The following PCDHA4 variants were observed in gnomAD, a reference collection of about 807,000 sequenced individuals.
PCDHA4 encodes the protein protocadherin alpha-4.
Under a neutral mutation model 61.4 loss-of-function variants are expected in PCDHA4, and 49 were observed. That is an observed-to-expected ratio of 0.80 (90% CI 0.63 to 1.01). PCDHA4 has a LOEUF of 1.01. Among genes scored for constraint, PCDHA4 ranks in the 50% least tolerant of loss-of-function variants. The pLI, the probability that PCDHA4 is intolerant of heterozygous loss-of-function variation, is 0.00. For missense variants in PCDHA4, 1,254 were observed against 1,235.8 expected, an observed-to-expected ratio of 1.01 and a Z score of -0.22; for synonymous variants, 590 against 550.3, an observed-to-expected ratio of 1.07 and a Z score of -1.01.
chr5:140,883,315 G>A (rs782377860), intron 1 of PCDHA4: 1 of 1,614,104 alleles, frequency 6.2e-7, no homozygotes, highest in Admixed American at 1.7e-5. Flanking sequence ...ACGCCCCAGA[G>A]GTTACCATCA....
At position 140,821,636 on chromosome 5, in the gene PCDHA4, A is replaced by G. The variant is rs1054964805; in HGVS notation, c.2385+12064A>G. On this transcript the variant is annotated intron_variant, in intron 1 of 3. Coordinates refer to ENST00000530339, the MANE Select transcript of PCDHA4 (RefSeq NM_018907.4). ...GTAGATTTTCCTTAGACAGAAAGGA[A>G]AAGAACCTTCCATTTTTGGCTGTGC... 20 of 1,021,456 alleles carry G rather than the reference A, an allele frequency of 2.0e-5. No individual in the cohort carries two copies. In the African/African-American group the frequency reaches 2.9e-4, roughly 15 times the overall value. 63.3% of individuals were successfully genotyped at this position (1,021,456 alleles called of 1,614,324 possible). A position where few individuals can be genotyped will look rare whatever the true frequency, so the allele number is the denominator to read the frequency against.
Position 140,836,318 on chromosome 5 carries a change from C to G in PCDHA4, c.2385+26746C>G, listed in dbSNP as rs1774367282. The G allele has an allele frequency of 1.9e-6, 3 of 1,613,634 alleles. No individual in the cohort carries two copies. Among genetic ancestry groups the G allele is most frequent in the Non-Finnish European group, 2.5e-6 (3 of 1,179,838 alleles). On this transcript the variant is annotated intron_variant, in intron 1 of 3. Coordinates refer to ENST00000530339, the MANE Select transcript of PCDHA4 (RefSeq NM_018907.4). ...TAGATGAGACGGACGCACCGCGCCA[C>G]CGCCTTCTGGTGCTTGTGAAGGACC... is the stretch of plus-strand genomic sequence containing the variant.
chr5:140,935,057 G>A (rs2090168860), intron 1 of PCDHA4, among the ~76,000 whole-genome samples: 1 of 152,034 alleles, frequency 6.6e-6, no homozygotes, highest in Non-Finnish European at 1.5e-5. Flanking sequence ...ATTACAAGAT[G>A]TTCAGATTAT....
At chr5:140,933,133 G>T (rs782720038) in intron 1 of PCDHA4, among the ~76,000 whole-genome samples, 1 of 151,914 alleles carries the variant, frequency 6.6e-6, no homozygotes, top group Non-Finnish European at 1.5e-5. Context: ...AATAATAAAG[G>T]TAGATAGCCA....
At chr5:140,896,113 T>G (rs10053583) in intron 1 of PCDHA4, among the ~76,000 whole-genome samples, 1 of 152,170 alleles carries the variant, frequency 6.6e-6, no homozygotes, top group East Asian at 1.9e-4. Flanking sequence ...GCCTGGCCAA[T>G]GTACTGCATT....
At chr5:140,994,288 C>G (rs2097610720) in intron 3 of PCDHA4, among the ~76,000 whole-genome samples, 4 of 152,150 alleles carry the variant, frequency 2.6e-5, no homozygotes, top group Admixed American at 6.5e-5. Flanking sequence ...TGAGACAGTC[C>G]CCAGATTGTT....
At chr5:141,003,988 C>T (rs1554259401) in intron 3 of PCDHA4, among the ~76,000 whole-genome samples, 1 of 152,120 alleles carries the variant, frequency 6.6e-6, no homozygotes, top group African/African-American at 2.4e-5. Context: ...TGCCGGAGAT[C>T]CTAGAAGGGA....
chr5:140,862,365 G>A (rs569361686), intron 1 of PCDHA4: 7 of 337,896 alleles, frequency 2.1e-5, no homozygotes, highest in African/African-American at 1.3e-4. Context: ...CAGACGACCC[G>A]CACCCTGACT....
intron 1 of PCDHA4, chr5:140,883,064 G>A (rs2059422329): frequency 1.2e-6 from 2 of 1,614,096 alleles, no homozygotes; most frequent in Non-Finnish European, 1.7e-6. Context: ...CAAGCTAAAT[G>A]CCACAGATCC....
chr5:140,808,665 C>T lies in PCDHA4; in HGVS notation c.1478C>T (p.Ser493Leu), dbSNP rs1554124681. 12 of 1,613,018 alleles carry T rather than the reference C, an allele frequency of 7.4e-6. No homozygotes were observed. The highest frequency in any genetic ancestry group is 1.1e-5 in the South Asian group (1 of 91,030). ...DAQENALVSY[S>L]LVERRVGERA... ...CAGGAGAACGCGCTGGTGTCCTACT[C>T]GCTGGTAGAGCGGCGGGTAGGGGAG... Residue 493 changes from serine (S) to leucine (L), a missense_variant, in exon 1 of 4, where the codon TCG becomes TTG. Transcript: ENST00000530339.
intron 1 of PCDHA4, among the ~76,000 whole-genome samples, chr5:140,957,164 T>C (rs2095337835): frequency 6.6e-6 from 1 of 152,148 alleles, no homozygotes; most frequent in Non-Finnish European, 1.5e-5. Flanking sequence ...CAAATCTAAG[T>C]ATATAAATTG....
chr5:140,955,036 T>C (rs2095128891), intron 1 of PCDHA4, among the ~76,000 whole-genome samples: 1 of 152,210 alleles, frequency 6.6e-6, no homozygotes, highest in Non-Finnish European at 1.5e-5. Context: ...AGGGAATCTT[T>C]TCCTCATTGC....
At chr5:140,836,493 A>G in intron 1 of PCDHA4, 1 of 1,613,850 alleles carries the variant, frequency 6.2e-7, no homozygotes, top group Non-Finnish European at 8.5e-7. Flanking sequence ...GATCATCGCC[A>G]TCTGCGCGGT....
intron 3 of PCDHA4, among the ~76,000 whole-genome samples, chr5:140,989,765 C>G (rs2097359812): frequency 6.6e-6 from 1 of 152,286 alleles, no homozygotes. Context: ...ATATTCAGTT[C>G]AAGCACTGGC....
chr5:140,836,113 T>A, intron 1 of PCDHA4: 1 of 1,613,528 alleles, frequency 6.2e-7, no homozygotes, highest in South Asian at 1.1e-5. Flanking sequence ...GGTGGCGCAG[T>A]GAGAGAGCTT....
In PCDHA4 at chr5:140,856,537, G is replaced by T. The variant is rs782543512; in HGVS notation, c.2385+46965G>T. 18 of 1,598,256 alleles carry T rather than the reference G, an allele frequency of 1.1e-5. 3 individuals carry two copies. The highest frequency in any genetic ancestry group is 1.5e-5 in the Non-Finnish European group (18 of 1,167,836). ...GCGCATCTGATGCGGATGTTGGAGA[G>T]AACGCATTGCTTACTTACAAACTCA... On this transcript the variant is annotated intron_variant, in intron 1 of 3. Coordinates refer to ENST00000530339, the MANE Select transcript of PCDHA4 (RefSeq NM_018907.4).
intron 3 of PCDHA4, among the ~76,000 whole-genome samples, chr5:140,994,608 G>C (rs1231327885): frequency 1.3e-5 from 2 of 152,098 alleles, no homozygotes; most frequent in Admixed American, 1.3e-4. Context: ...GGGAGGCTGA[G>C]GCACGAGAGT....
chr5:140,846,590 G>A (rs1780577373), intron 1 of PCDHA4, among the ~76,000 whole-genome samples: 1 of 148,312 alleles, frequency 6.7e-6, no homozygotes, highest in African/African-American at 2.5e-5. Context: ...TAGCCAGGAT[G>A]GTCTCGATCT....
chr5:140,857,677 T>C lies in PCDHA4; in HGVS notation c.2385+48105T>C, dbSNP rs377237803. 36 of 1,596,766 alleles carry C rather than the reference T, an allele frequency of 2.3e-5. 2 individuals carry two copies. In the African/African-American group the frequency reaches 4.6e-4, roughly 20 times the overall value. On this transcript the variant is annotated intron_variant, in intron 1 of 3. Transcript: ENST00000530339. ...GCGCGCGCGATGGGGGCGTGCCGCC[T>C]CTGGGCAGCAACTTGACGCTGCAGG...
Sources: gnomAD v4.1 joint callset for allele counts (sites outside exome capture counted in the v4.1 genomes callset) on GRCh38, gnomAD v4.1.1 for gene constraint, MANE v1.5 for transcripts, NCBI Gene and HGNC (gene_info 2026-07-23, HGNC 2026-07-21) for gene names.